The following UNC5A variants were observed in gnomAD, a reference collection of about 807,000 sequenced individuals.
The protein encoded by UNC5A is unc-5 netrin receptor A.
UNC5A carries 20 observed loss-of-function variants against 87.4 expected under a neutral mutation model. The observed-to-expected ratio is 0.23, with a 90% CI of 0.16 to 0.33. The LOEUF (loss-of-function observed/expected upper bound fraction) is 0.33. UNC5A is among the 10% of genes least tolerant of loss of function. The pLI is 1.00. For synonymous variants in UNC5A, 438 were observed against 482.3 expected (o/e 0.91, Z 1.20); for missense variants, 844 against 1,133.4 (o/e 0.74, Z 3.67).
intron 1 of UNC5A, among the ~76,000 whole-genome samples, chr5:176,831,794 A>ATC (rs925504804): frequency 1.3e-5 from 2 of 150,462 alleles, no homozygotes; most frequent in African/African-American, 5.0e-5. Flanking sequence ...TGTACCCACC[A>ATC]TCTTCCCAAA....
chr5:176,868,000 A>AT (rs944577786), intron 2 of UNC5A, 130 bp from the exon 3 acceptor site: 128 of 714,974 alleles, frequency 1.8e-4, no homozygotes, highest in Middle Eastern at 4.8e-4. Context: ...TAATAATAAA[A>AT]TTTAAAAAAA....
intron 1 of UNC5A, among the ~76,000 whole-genome samples, chr5:176,835,604 A>T (rs889964367): frequency 5.3e-5 from 8 of 152,192 alleles, no homozygotes; most frequent in African/African-American, 1.9e-4. Context: ...GGTAGCTCCA[A>T]ATCCCTCCCC....
rs755927583 is a variant in UNC5A at position 176,877,267 on chromosome 5, C to G, written c.1454C>G (p.Pro485Arg). 2 of 1,612,208 alleles carry G rather than the reference C, an allele frequency of 1.2e-6. No homozygotes were observed. Among genetic ancestry groups the G allele is most frequent in the African/African-American group, 1.3e-5 (1 of 74,878 alleles). The part of the protein sequence containing the change: ...IYEIYLTLHK[P>R]EDVRLPLAGC... ...GAGATCTACCTCACGCTGCACAAGCCGGAAGACGTGAGGTGTGGCCGCGGG... is the reference window on the plus strand; with the variant it reads ...GAGATCTACCTCACGCTGCACAAGCGGGAAGACGTGAGGTGTGGCCGCGGG... The change falls in exon 9 of 15, where the codon CCG (proline) becomes CGG (arginine). Residue 485 changes from proline to arginine, a missense_variant. By Grantham distance (103) the Pro-to-Arg change is moderately radical. Coordinates refer to ENST00000329542, the MANE Select transcript of UNC5A (RefSeq NM_133369.3).
At chr5:176,834,703 CTG>C (rs1491059294) in intron 1 of UNC5A, among the ~76,000 whole-genome samples, 76 of 131,544 alleles carry the variant, frequency 5.8e-4, no homozygotes, top group African/African-American at 1.9e-3. Context: ...CTCTCTCTCT[CTG>C]TCTCTCTGTC....
intron 1 of UNC5A, among the ~76,000 whole-genome samples, chr5:176,825,631 A>G (rs1756833137): frequency 6.6e-6 from 1 of 152,158 alleles, no homozygotes; most frequent in African/African-American, 2.4e-5. Flanking sequence ...CTTGCTGAGC[A>G]CTGGCGATGT....
chr5:176,870,267 T>C, intron 5 of UNC5A, 103 bp from the exon 6 acceptor site: 2 of 1,442,696 alleles, frequency 1.4e-6, no homozygotes, highest in South Asian at 1.3e-5. Context: ...CAGGCTGCCT[T>C]GCACTGCCTG....
At chr5:176,815,114 A>G (rs1374136368) in intron 1 of UNC5A, among the ~76,000 whole-genome samples, 7 of 151,334 alleles carry the variant, frequency 4.6e-5, no homozygotes, top group Non-Finnish European at 8.8e-5. Flanking sequence ...TTGAGTAGGA[A>G]CCCCCATCCC....
intron 1 of UNC5A, among the ~76,000 whole-genome samples, chr5:176,854,843 G>A (rs1757628409): frequency 6.6e-6 from 1 of 152,246 alleles, no homozygotes; most frequent in Non-Finnish European, 1.5e-5. Context: ...ATGCATAAAT[G>A]GTGACAATAT....
rs1159639204 is a variant in UNC5A at position 176,841,280 on chromosome 5, G to A, written c.71-21344G>A. On this transcript the variant is annotated intron_variant, in intron 1 of 14. Transcript: ENST00000329542. The surrounding 1 kb of genome is among the most constrained non-coding windows in gnomAD (Gnocchi z 4.1). ...GTGGGTGCCGTTTGCAGACAGAGCTGTGCCAGAGTGAGCCAGCCAGAGGTG... is the reference window on the plus strand; with the variant it reads ...GTGGGTGCCGTTTGCAGACAGAGCTATGCCAGAGTGAGCCAGCCAGAGGTG... 6.6e-6 allele frequency among the ~76,000 whole-genome samples: 1 copy of A among 152,196 alleles called. No homozygotes were observed. Among genetic ancestry groups the A allele is most frequent in the Non-Finnish European group, 1.5e-5 (1 of 68,040 alleles).
intron 2 of UNC5A, among the ~76,000 whole-genome samples, chr5:176,864,566 A>G (rs570775344): frequency 6.6e-6 from 1 of 152,152 alleles, no homozygotes; most frequent in South Asian, 2.1e-4. Flanking sequence ...CTTGGCTCTT[A>G]CTCATCCAGA....
In UNC5A at chr5:176,832,228, G is replaced by A. The variant is rs572156610; in HGVS notation, c.70+21408G>A. 3.9e-5 allele frequency among the ~76,000 whole-genome samples: 6 copies of A among 152,262 alleles called. No homozygotes were observed. In the South Asian group the frequency reaches 1.2e-3, roughly 32 times the overall value. The stretch of plus-strand genomic sequence containing the variant: ...TTTCTCACTGAAGCCTCAATGCAGA[G>A]TTTGGAGGAGGTGCCGTTATTATGC... On this transcript the variant is annotated intron_variant, in intron 1 of 14. Transcript: ENST00000329542.
At chr5:176,845,549 A>G (rs1244250226) in intron 1 of UNC5A, among the ~76,000 whole-genome samples, 1 of 152,214 alleles carries the variant, frequency 6.6e-6, no homozygotes, top group African/African-American at 2.4e-5. Flanking sequence ...TCTGCAGCCC[A>G]GGGCTTGGGG....
chr5:176,812,682 G>A (rs1224075944), intron 1 of UNC5A, among the ~76,000 whole-genome samples: 2 of 152,322 alleles, frequency 1.3e-5, no homozygotes, highest in East Asian at 1.9e-4. Flanking sequence ...GTTGAGGCCT[G>A]GCCCAAGGTT....
intron 1 of UNC5A, among the ~76,000 whole-genome samples, chr5:176,822,855 C>A (rs1026696348): frequency 2.6e-5 from 4 of 152,154 alleles, no homozygotes; most frequent in Admixed American, 6.5e-5. Context: ...ACAGGGCAGC[C>A]GGGAGGCGTG....
rs555876106 is a variant in UNC5A, at chr5:176,865,555, C to G, written c.293-2575C>G. ...GCATCCGACTCCAGCCTCCCATGGC[C>G]GGAACATCTGAACGTTCATTGATCT... On this transcript the variant is annotated intron_variant, in intron 2 of 14. Transcript: ENST00000329542. The surrounding 1 kb of genome is among the most constrained non-coding windows in gnomAD (Gnocchi z 5.3). 5.0e-4 allele frequency: 226 copies of G among 456,380 alleles called. 3 individuals carry two copies. The highest frequency in any genetic ancestry group is 3.4e-3 in the South Asian group (220 of 64,540). 28.3% of individuals were successfully genotyped at this position (456,380 alleles called of 1,614,324 possible). A position where few individuals can be genotyped will look rare whatever the true frequency, so the allele number is the denominator to read the frequency against.
intron 1 of UNC5A, among the ~76,000 whole-genome samples, chr5:176,834,525 G>A (rs1414308090): frequency 3.9e-5 from 6 of 152,218 alleles, no homozygotes; most frequent in African/African-American, 1.2e-4. Flanking sequence ...AAGAGAATAA[G>A]AGGGATCTGG....
chr5:176,852,137 C>G (rs1024050258), intron 1 of UNC5A, among the ~76,000 whole-genome samples: 14 of 152,216 alleles, frequency 9.2e-5, no homozygotes, highest in Admixed American at 3.3e-4. Context: ...GCCGGGGCTG[C>G]CACAGGCCTT....
At chr5:176,852,442 G>C (rs978653513) in intron 1 of UNC5A, among the ~76,000 whole-genome samples, 1 of 152,094 alleles carries the variant, frequency 6.6e-6, no homozygotes, top group Non-Finnish European at 1.5e-5. Flanking sequence ...GCAGGAAAGC[G>C]CCTTCCTTCC....
At chr5:176,830,347 C>T (rs942390647) in intron 1 of UNC5A, among the ~76,000 whole-genome samples, 6 of 152,164 alleles carry the variant, frequency 3.9e-5, no homozygotes, top group Middle Eastern at 3.4e-3. Context: ...GTGCGGTGTG[C>T]GCCTGCTTGT....
Sources: allele counts gnomAD v4.1 joint callset (sites outside exome capture counted in the v4.1 genomes callset), GRCh38; gene constraint gnomAD v4.1.1; non-coding constraint Gnocchi (gnomAD v3.1); transcripts MANE v1.5; gene names NCBI Gene and HGNC (gene_info 2026-07-23, HGNC 2026-07-21).